AGBL4: variants seen among roughly 807,000 people sequenced by gnomAD.
AGBL4 encodes the protein cytosolic carboxypeptidase 6.
AGBL4 carries 58 observed loss-of-function variants against 66.4 expected under a neutral mutation model. The ratio of observed to expected loss-of-function variants is 0.87; its 90% CI spans 0.71 to 1.09. The LOEUF (loss-of-function observed/expected upper bound fraction) is 1.09. AGBL4 is among the 50% of genes least tolerant of loss of function. AGBL4 has a pLI of 0.00. For synonymous variants in AGBL4, 234 were observed against 222.9 expected (o/e 1.05, Z -0.44); for missense variants, 579 against 631.0 (o/e 0.92, Z 0.88).
intron 3 of AGBL4, among the ~76,000 whole-genome samples, chr1:49,418,811 T>C (rs542693327): frequency 6.6e-6 from 1 of 152,228 alleles, no homozygotes; most frequent in South Asian, 2.1e-4. Flanking sequence ...ATTAACGGCA[T>C]GGTAGGCCTT....
chr1:49,110,334 T>C (rs530317764), intron 4 of AGBL4, among the ~76,000 whole-genome samples: 13 of 152,174 alleles, frequency 8.5e-5, no homozygotes, highest in Admixed American at 2.6e-4. Context: ...TTTACATTCA[T>C]TATATCAGTC....
chr1:49,548,070 C>T (rs185617889), intron 3 of AGBL4, among the ~76,000 whole-genome samples: 1 of 152,104 alleles, frequency 6.6e-6, no homozygotes, highest in Non-Finnish European at 1.5e-5. Context: ...CTATACCTGA[C>T]CTAGGGGTTG....
At position 48,827,691 on chromosome 1, in the gene AGBL4, G is replaced by A. The variant is rs112822553; in HGVS notation, c.634+39500C>T. Among the ~76,000 whole-genome samples the A allele has an allele frequency of 3.1e-3, 470 of 152,256 alleles. 8 individuals are homozygous for A. The highest frequency in any genetic ancestry group is 9.8e-3 in the African/African-American group (405 of 41,538). On this transcript the variant is annotated intron_variant, in intron 6 of 13. Transcript: ENST00000371839. ...CCTTGTTTAGGAAGCCCTTTTAAGC[G>A]GGTTGCAAGCAAGAAACAGTCTTAG...
intron 3 of AGBL4, among the ~76,000 whole-genome samples, chr1:49,463,019 T>C (rs1174446641): frequency 6.6e-6 from 1 of 151,820 alleles, no homozygotes; most frequent in Non-Finnish European, 1.5e-5. Flanking sequence ...ATTGAGTTAA[T>C]GGCAGAGCTG....
intron 3 of AGBL4, among the ~76,000 whole-genome samples, chr1:49,596,588 G>T (rs1421533752): frequency 2.6e-5 from 4 of 152,130 alleles, no homozygotes. Context: ...TTAGTAAGAA[G>T]GCATTTGTTT....
chr1:48,911,647 G>A (rs1653120766), intron 5 of AGBL4, among the ~76,000 whole-genome samples: 2 of 151,180 alleles, frequency 1.3e-5, no homozygotes, highest in East Asian at 1.9e-4. Flanking sequence ...AAATCATAAG[G>A]ACCAACTTAT....
chr1:49,301,260 T>C (rs1291456118), intron 3 of AGBL4, among the ~76,000 whole-genome samples: 7 of 152,186 alleles, frequency 4.6e-5, no homozygotes, highest in Admixed American at 4.6e-4. Context: ...AAAAAGGCAG[T>C]TAGTTCTTCA....
At chr1:49,535,881 C>T (rs528356450) in intron 3 of AGBL4, among the ~76,000 whole-genome samples, 125 of 152,146 alleles carry the variant, frequency 8.2e-4, no homozygotes, top group African/African-American at 2.5e-3. Context: ...TTAGTAGAGA[C>T]GGGGTTTCAC....
At chr1:49,874,298 T>A (rs1316801100) in intron 1 of AGBL4, among the ~76,000 whole-genome samples, 1 of 151,984 alleles carries the variant, frequency 6.6e-6, no homozygotes, top group African/African-American at 2.4e-5. Flanking sequence ...ATTTCTAAGA[T>A]GAGATATAAA....
At chr1:48,667,546 T>C (rs1646208781) in intron 6 of AGBL4, among the ~76,000 whole-genome samples, 1 of 152,242 alleles carries the variant, frequency 6.6e-6, no homozygotes, top group Non-Finnish European at 1.5e-5. Flanking sequence ...TGTTCCCACA[T>C]TCTTGACCCA....
chr1:49,233,709 T>C (rs963030093), intron 4 of AGBL4, among the ~76,000 whole-genome samples: 2 of 152,236 alleles, frequency 1.3e-5, no homozygotes, highest in South Asian at 4.1e-4. Flanking sequence ...AAATTCTTTA[T>C]AGGGACAATA....
intron 4 of AGBL4, among the ~76,000 whole-genome samples, chr1:49,155,692 C>T (rs1000720797): frequency 4.6e-5 from 7 of 152,168 alleles, no homozygotes; most frequent in African/African-American, 7.2e-5. Context: ...CTCAGTTCCA[C>T]ATGGGACAAT....
chr1:49,657,346 G>C (rs1401582041), intron 3 of AGBL4, among the ~76,000 whole-genome samples: 3 of 152,088 alleles, frequency 2.0e-5, no homozygotes, highest in African/African-American at 7.2e-5. Context: ...CACTGCTCAA[G>C]GAAATAAGAG....
chr1:49,084,659 C>T (rs768137084), intron 4 of AGBL4, among the ~76,000 whole-genome samples: 31 of 152,154 alleles, frequency 2.0e-4, no homozygotes, highest in Admixed American at 3.9e-4. Context: ...AGAGCCAAAC[C>T]ATATCACTGA....
intron 6 of AGBL4, among the ~76,000 whole-genome samples, chr1:48,778,815 G>A (rs1435351910): frequency 6.6e-6 from 1 of 152,146 alleles, no homozygotes; most frequent in South Asian, 2.1e-4. Flanking sequence ...TAGACAGTGC[G>A]TTATATAAGT....
chr1:49,681,252 C>A (rs1023669902), intron 3 of AGBL4, among the ~76,000 whole-genome samples: 3 of 152,160 alleles, frequency 2.0e-5, no homozygotes, highest in South Asian at 2.1e-4. Flanking sequence ...TTCCCCAGTT[C>A]TTGCTATGAC....
intron 5 of AGBL4, among the ~76,000 whole-genome samples, chr1:48,914,564 G>T (rs1042829149): frequency 6.6e-6 from 1 of 152,194 alleles, no homozygotes; most frequent in Non-Finnish European, 1.5e-5. Flanking sequence ...CTTTACCAAA[G>T]CTGATGTGAA....
At chr1:49,515,452 C>A (rs1042287146) in intron 3 of AGBL4, among the ~76,000 whole-genome samples, 16 of 151,858 alleles carry the variant, frequency 1.1e-4, no homozygotes, top group Non-Finnish European at 2.4e-4. Flanking sequence ...ACTGTAAACT[C>A]ATTCAACAAT....
intron 3 of AGBL4, among the ~76,000 whole-genome samples, chr1:49,658,077 A>G (rs2124478524): frequency 6.6e-6 from 1 of 152,326 alleles, no homozygotes; most frequent in Admixed American, 6.5e-5. Context: ...GGCAACCTAC[A>G]GAATGGGAGA....
Sources: allele counts gnomAD v4.1 joint callset (sites outside exome capture counted in the v4.1 genomes callset), GRCh38; gene constraint gnomAD v4.1.1; transcripts MANE v1.5; gene names NCBI Gene and HGNC (gene_info 2026-07-23, HGNC 2026-07-21).